Variants in KIRREL3 observed in about 807,000 individuals in gnomAD.
KIRREL3 encodes kirre like nephrin family adhesion molecule 3.
KIRREL3 carries 36 observed loss-of-function variants against 89.7 expected under a neutral mutation model. The ratio of observed to expected loss-of-function variants is 0.40; its 90% CI spans 0.31 to 0.53. The LOEUF (loss-of-function observed/expected upper bound fraction) is 0.53. Ranked by LOEUF, KIRREL3 falls within the 20% of genes least tolerant of loss-of-function variation. KIRREL3 has a pLI of 0.49. For synonymous variants in KIRREL3, 445 were observed against 441.4 expected (o/e 1.01, Z -0.10); for missense variants, 864 against 1,056.6 (o/e 0.82, Z 2.53).
rs144584454 is a variant in KIRREL3, at chr11:126,997,018, T to C, written c.55+3437A>G. Among the ~76,000 whole-genome samples, 108 of 152,112 alleles carry C rather than the reference T, an allele frequency of 7.1e-4. No homozygotes were observed. The highest frequency in any genetic ancestry group is 2.6e-3 in the African/African-American group (108 of 41,512). The stretch of plus-strand genomic sequence containing the variant: ...CTTGCCACTGTGGCTCCCCTGTCTA[T>C]CTCCCCTGTCTCCGAGGTGGAGATC... On this transcript the variant is annotated intron_variant, in intron 1 of 16. Coordinates refer to ENST00000525144, the MANE Select transcript of KIRREL3 (RefSeq NM_032531.4). The surrounding 1 kb of genome is among the most constrained non-coding windows in gnomAD (Gnocchi z 4.3).
chr11:126,843,881 C>T lies in KIRREL3; in HGVS notation c.55+156574G>A, dbSNP rs903713703. Among the ~76,000 whole-genome samples, 1 of 152,136 alleles carries T rather than the reference C, an allele frequency of 6.6e-6. No homozygotes were observed. The highest frequency in any genetic ancestry group is 1.5e-5 in the Non-Finnish European group (1 of 68,034). On this transcript the variant is annotated intron_variant, in intron 1 of 16. Transcript: ENST00000525144. The surrounding 1 kb of genome is among the most constrained non-coding windows in gnomAD (Gnocchi z 4.6). ...ATGCCATGGCAACATCAGAAAGTTACCCTACCTGGGCTCAAAAGGGGAGGC... is the reference window on the plus strand; with the variant it reads ...ATGCCATGGCAACATCAGAAAGTTATCCTACCTGGGCTCAAAAGGGGAGGC...
Position 126,704,351 on chromosome 11 carries a change from T to G in KIRREL3, c.56-141439A>C, listed in dbSNP as rs1202861395. ...AGCATGTTTGTCGGGGTGTGGGGAG[T>G]GCAGGAGAGAGGAGGTGGGGTGGGG... On this transcript the variant is annotated intron_variant, in intron 1 of 16. Transcript: ENST00000525144. This position sits in a 1 kb window ranked among gnomAD's most constrained non-coding sequence, Gnocchi z 4.2. Among the ~76,000 whole-genome samples the G allele has an allele frequency of 6.6e-6, 1 of 151,186 alleles. No individual in the cohort carries two copies. Among genetic ancestry groups the G allele is most frequent in the African/African-American group, 2.4e-5 (1 of 41,012 alleles).
At chr11:126,712,794 C>T (rs142589334) in intron 1 of KIRREL3, among the ~76,000 whole-genome samples, 1 of 152,218 alleles carries the variant, frequency 6.6e-6, no homozygotes, top group Non-Finnish European at 1.5e-5. Context: ...TTGTCATCCT[C>T]GTTCCTCCTA....
intron 13 of KIRREL3, 98 bp downstream of exon 13, chr11:126,435,170 A>C: frequency 7.8e-7 from 1 of 1,280,204 alleles, no homozygotes; most frequent in South Asian, 1.2e-5. Context: ...ACTAGCGGCC[A>C]GCACAGGCCT....
chr11:126,856,125 G>A (rs920157767), intron 1 of KIRREL3, among the ~76,000 whole-genome samples: 1 of 152,142 alleles, frequency 6.6e-6, no homozygotes, highest in Non-Finnish European at 1.5e-5. Flanking sequence ...TGGGGTATGT[G>A]TCTCTGCAGA....
rs1946782728 is a variant in KIRREL3, at chr11:126,689,109, C to A, written c.56-126197G>T. Among the ~76,000 whole-genome samples the A allele has an allele frequency of 6.6e-6, 1 of 150,556 alleles. No homozygotes were observed. Among genetic ancestry groups the A allele is most frequent in the Non-Finnish European group, 1.5e-5 (1 of 67,850 alleles). On this transcript the variant is annotated intron_variant, in intron 1 of 16. Coordinates refer to ENST00000525144, the MANE Select transcript of KIRREL3 (RefSeq NM_032531.4). The surrounding 1 kb of genome is among the most constrained non-coding windows in gnomAD (Gnocchi z 5.2). ...ATTGTAATAACGTATTGAGCATGAG[C>A]TGCCTGATCTTTGCCAGGTGATAAA...
chr11:126,749,191 C>T (rs1024707517), intron 1 of KIRREL3, among the ~76,000 whole-genome samples: 1 of 152,186 alleles, frequency 6.6e-6, no homozygotes, highest in African/African-American at 2.4e-5. Flanking sequence ...GTGATGAATT[C>T]CCTCCGTTCA....
rs548488278 is a variant in KIRREL3, at chr11:126,877,387, C to T, written c.55+123068G>A. Among the ~76,000 whole-genome samples the T allele has an allele frequency of 6.6e-6, 1 of 152,292 alleles. No individual in the cohort carries two copies. The highest frequency in any genetic ancestry group is 2.1e-4 in the South Asian group (1 of 4,824). On this transcript the variant is annotated intron_variant, in intron 1 of 16. Transcript: ENST00000525144. The surrounding 1 kb of genome is among the most constrained non-coding windows in gnomAD (Gnocchi z 4.9). ...AGGTTGGGCAGGGTTTGGTCAGTAACGGGGCAGAGGAAGTAGATCATTTGG... is the reference window on the plus strand; with the variant it reads ...AGGTTGGGCAGGGTTTGGTCAGTAATGGGGCAGAGGAAGTAGATCATTTGG...
chr11:126,471,419 GA>G lies in KIRREL3; in HGVS notation c.591+1889del, dbSNP rs1326098705. Among the ~76,000 whole-genome samples the G allele has an allele frequency of 6.6e-6, 1 of 151,500 alleles. No individual in the cohort carries two copies. The highest frequency in any genetic ancestry group is 1.5e-5 in the Non-Finnish European group (1 of 67,876). ...AATAAATAAAAAATAAAAAAAGAAA[GA>G]AAAAAAGAAAAGACAGTTTGCTACT... On this transcript the variant is annotated intron_variant, in intron 5 of 16. Transcript: ENST00000525144. The surrounding 1 kb of genome is among the most constrained non-coding windows in gnomAD (Gnocchi z 5.4).
rs1012409769 is a variant in KIRREL3, at chr11:126,752,931, G to C, written c.56-190019C>G. Among the ~76,000 whole-genome samples, 11 of 152,140 alleles carry C rather than the reference G, an allele frequency of 7.2e-5. No individual in the cohort carries two copies. The highest frequency in any genetic ancestry group is 2.7e-4 in the African/African-American group (11 of 41,416). On this transcript the variant is annotated intron_variant, in intron 1 of 16. Coordinates refer to ENST00000525144, the MANE Select transcript of KIRREL3 (RefSeq NM_032531.4). This position sits in a 1 kb window ranked among gnomAD's most constrained non-coding sequence, Gnocchi z 4.8. Reference sequence around the variant, plus strand: ...GTGGTAGCAGGCTGCCATGAACCCAGTTTTCTGAGCTCTTCCAGAATCTCT... The same window carrying C: ...GTGGTAGCAGGCTGCCATGAACCCACTTTTCTGAGCTCTTCCAGAATCTCT...
chr11:126,887,430 C>T (rs1945742314), intron 1 of KIRREL3, among the ~76,000 whole-genome samples: 1 of 152,132 alleles, frequency 6.6e-6, no homozygotes, highest in Admixed American at 6.6e-5. Context: ...GGAGAATTCT[C>T]CCCGCTGCCC....
rs1391555319 is a variant in KIRREL3, at chr11:126,550,853, C to T, written c.133+11982G>A. The stretch of plus-strand genomic sequence containing the variant: ...GAGCAGCGGACACCAGCTGGGTGTC[C>T]TCCAATTCAATTCTGACACTGTCTA... On this transcript the variant is annotated intron_variant, in intron 2 of 16. Transcript: ENST00000525144. The surrounding 1 kb of genome is among the most constrained non-coding windows in gnomAD (Gnocchi z 4.9). Among the ~76,000 whole-genome samples the T allele has an allele frequency of 1.3e-5, 2 of 152,074 alleles. No homozygotes were observed. Among genetic ancestry groups the T allele is most frequent in the Non-Finnish European group, 2.9e-5 (2 of 68,004 alleles).
rs1308635612 is a variant in KIRREL3 at position 126,611,384 on chromosome 11, A to C, written c.56-48472T>G. 1.3e-5 allele frequency among the ~76,000 whole-genome samples: 2 copies of C among 152,014 alleles called. No homozygotes were observed. The highest frequency in any genetic ancestry group is 2.9e-5 in the Non-Finnish European group (2 of 68,010). On this transcript the variant is annotated intron_variant, in intron 1 of 16. Transcript: ENST00000525144. This position sits in a 1 kb window ranked among gnomAD's most constrained non-coding sequence, Gnocchi z 4.7. Reference sequence around the variant, plus strand: ...AGAACTAGGCTGCTTTCACTCTTTGAGGGTGGTCTTTCTGATTGATCCATC... The same window carrying C: ...AGAACTAGGCTGCTTTCACTCTTTGCGGGTGGTCTTTCTGATTGATCCATC...
chr11:126,506,995 A>G (rs759135301), intron 4 of KIRREL3, among the ~76,000 whole-genome samples: 5 of 152,234 alleles, frequency 3.3e-5, no homozygotes, highest in Non-Finnish European at 7.3e-5. Flanking sequence ...ATGGATAAAC[A>G]GAATGTGGTA....
chr11:126,887,454 G>A (rs544851771), intron 1 of KIRREL3, among the ~76,000 whole-genome samples: 20 of 152,266 alleles, frequency 1.3e-4, no homozygotes, highest in African/African-American at 4.6e-4. Context: ...TTTAGCTTCT[G>A]TGCTGTTCTT....
At chr11:126,482,113 A>G (rs1957234821) in intron 4 of KIRREL3, among the ~76,000 whole-genome samples, 1 of 152,166 alleles carries the variant, frequency 6.6e-6, no homozygotes, top group Non-Finnish European at 1.5e-5. Context: ...ATCTCGGCTC[A>G]CTGCAACCTC....
intron 1 of KIRREL3, among the ~76,000 whole-genome samples, chr11:126,585,065 G>A (rs1299794743): frequency 1.3e-5 from 2 of 151,432 alleles, no homozygotes; most frequent in African/African-American, 4.9e-5. Context: ...ACTAACAGGC[G>A]CCCGCCACCA....
rs1947422337 is a variant in KIRREL3 at position 126,704,098 on chromosome 11, A to T, written c.56-141186T>A. On this transcript the variant is annotated intron_variant, in intron 1 of 16. Transcript: ENST00000525144. The surrounding 1 kb of genome is among the most constrained non-coding windows in gnomAD (Gnocchi z 4.2). Reference sequence around the variant, plus strand: ...TATAACTATATTCACACATAGACACATATTACAACTTGAACTTAGCACCTG... The same window carrying T: ...TATAACTATATTCACACATAGACACTTATTACAACTTGAACTTAGCACCTG... Among the ~76,000 whole-genome samples, 1 of 152,184 alleles carries T rather than the reference A, an allele frequency of 6.6e-6. No homozygotes were observed. Among genetic ancestry groups the T allele is most frequent in the South Asian group, 2.1e-4 (1 of 4,828 alleles).
In KIRREL3 at chr11:126,723,984, G is replaced by A. The variant is rs1202281474; in HGVS notation, c.56-161072C>T. The stretch of plus-strand genomic sequence containing the variant: ...ATCTGATTGCTTTCATAAGCTCCAT[G>A]ATGATTAAAAGAAGTGTAGGCAGCT... On this transcript the variant is annotated intron_variant, in intron 1 of 16. Transcript: ENST00000525144. The surrounding 1 kb of genome is among the most constrained non-coding windows in gnomAD (Gnocchi z 4.0). Among the ~76,000 whole-genome samples the A allele has an allele frequency of 6.6e-6, 1 of 152,204 alleles. No homozygotes were observed. The highest frequency in any genetic ancestry group is 2.4e-5 in the African/African-American group (1 of 41,466).
Sources: allele counts gnomAD v4.1 joint callset (sites outside exome capture counted in the v4.1 genomes callset), GRCh38; gene constraint gnomAD v4.1.1; non-coding constraint Gnocchi (gnomAD v3.1); transcripts MANE v1.5; gene names NCBI Gene and HGNC (gene_info 2026-07-23, HGNC 2026-07-21).